Variants in GRM8 observed in about 807,000 individuals in gnomAD.
GRM8 encodes metabotropic glutamate receptor 8.
GRM8 carries 47 observed loss-of-function variants against 87.2 expected under a neutral mutation model. That is an observed-to-expected ratio of 0.54 (90% CI 0.43 to 0.69). The LOEUF (loss-of-function observed/expected upper bound fraction) is 0.69, where lower values mean the gene tolerates loss of function less well. Ranked by LOEUF, GRM8 falls within the 30% of genes least tolerant of loss-of-function variation. GRM8 has a pLI of 0.00. For missense variants in GRM8, 1,019 were observed against 1,139.2 expected, an observed-to-expected ratio of 0.89 and a Z score of 1.52; for synonymous variants, 396 against 404.5, an observed-to-expected ratio of 0.98 and a Z score of 0.25.
At chr7:127,180,202 A>G (rs1312014763) in intron 2 of GRM8, among the ~76,000 whole-genome samples, 5 of 152,214 alleles carry the variant, frequency 3.3e-5, no homozygotes, top group Middle Eastern at 3.4e-3. Context: ...ACAAAAGATC[A>G]TTCAAGGCTA....
intron 7 of GRM8, among the ~76,000 whole-genome samples, chr7:126,727,881 G>A (rs1033855237): frequency 3.3e-5 from 5 of 152,120 alleles, no homozygotes; most frequent in African/African-American, 9.7e-5. Context: ...CAGCTGGGAT[G>A]TGTATAGCAA....
intron 2 of GRM8, among the ~76,000 whole-genome samples, chr7:127,138,185 G>C (rs1828046229): frequency 6.6e-6 from 1 of 152,140 alleles, no homozygotes; most frequent in African/African-American, 2.4e-5. Context: ...CAAAGCCCTT[G>C]CTTCAATCTA....
chr7:127,205,701 C>A (rs549719796), intron 2 of GRM8, among the ~76,000 whole-genome samples: 1 of 152,246 alleles, frequency 6.6e-6, no homozygotes, highest in Admixed American at 6.5e-5. Context: ...GAGGCTCCCC[C>A]ACCTGCTAAT....
Position 127,053,115 on chromosome 7 carries a change from C to T in GRM8, c.727+53381G>A, listed in dbSNP as rs1360502649. ...ACACCATATCACAAGCTTGAGGGTT[C>T]CATGCTCCTTTTTAGGCACTTGGTG... On this transcript the variant is annotated intron_variant, in intron 3 of 10. Coordinates refer to ENST00000339582, the MANE Select transcript of GRM8 (RefSeq NM_000845.3). Among the ~76,000 whole-genome samples, 8 of 152,148 alleles carry T rather than the reference C, an allele frequency of 5.3e-5. No homozygotes were observed. In the South Asian group the frequency reaches 1.7e-3, roughly 32 times the overall value.
intron 3 of GRM8, among the ~76,000 whole-genome samples, chr7:127,021,096 G>A (rs980911137): frequency 6.6e-6 from 1 of 151,992 alleles, no homozygotes; most frequent in Non-Finnish European, 1.5e-5. Context: ...GCTGCTACAG[G>A]AGAAAGCCAC....
At chr7:127,225,095 G>C (rs1436592250) in intron 2 of GRM8, among the ~76,000 whole-genome samples, 1 of 152,186 alleles carries the variant, frequency 6.6e-6, no homozygotes, top group Non-Finnish European at 1.5e-5. Context: ...AGCAGGAAAA[G>C]GTCCAAGGAG....
intron 9 of GRM8, among the ~76,000 whole-genome samples, chr7:126,507,998 ATGAG>A (rs1372071380): frequency 6.6e-6 from 1 of 151,982 alleles, no homozygotes; most frequent in African/African-American, 2.4e-5. Context: ...ACTCAAAGTA[ATGAG>A]TAAGTACCTG....
At chr7:126,893,132 T>C (rs1285569341) in intron 6 of GRM8, among the ~76,000 whole-genome samples, 1 of 152,070 alleles carries the variant, frequency 6.6e-6, no homozygotes. Flanking sequence ...TAAAGTGCTT[T>C]CCCCTCAAAT....
At chr7:126,691,232 G>A (rs1808773156) in intron 7 of GRM8, among the ~76,000 whole-genome samples, 1 of 152,202 alleles carries the variant, frequency 6.6e-6, no homozygotes, top group Non-Finnish European at 1.5e-5. Context: ...GGTGGCAGGG[G>A]GCTGGTGTGT....
chr7:127,161,952 T>A (rs2116229252), intron 2 of GRM8, among the ~76,000 whole-genome samples: 1 of 152,258 alleles, frequency 6.6e-6, no homozygotes, highest in Middle Eastern at 3.4e-3. Context: ...TATAACTCAG[T>A]ACTTCCTCAT....
chr7:126,744,063 C>T (rs1286232973), intron 7 of GRM8, among the ~76,000 whole-genome samples: 1 of 151,542 alleles, frequency 6.6e-6, no homozygotes, highest in Non-Finnish European at 1.5e-5. Flanking sequence ...TAAGAATGGC[C>T]AAGATAAAGA....
intron 6 of GRM8, among the ~76,000 whole-genome samples, chr7:126,775,281 G>A (rs17626816): frequency 0.36 from 55,098 of 151,744 alleles, 11,520 homozygotes; most frequent in Non-Finnish European, 0.47. Flanking sequence ...CCCAGATTTA[G>A]AAGTCATTCT....
At chr7:127,246,503 T>A (rs1275081240) in intron 1 of GRM8, among the ~76,000 whole-genome samples, 1 of 152,172 alleles carries the variant, frequency 6.6e-6, no homozygotes, top group Admixed American at 6.5e-5. Flanking sequence ...CTCTCAGCAC[T>A]ATGTCTGGGC....
intron 6 of GRM8, among the ~76,000 whole-genome samples, chr7:126,846,050 T>C (rs535934203): frequency 4.6e-5 from 7 of 152,024 alleles, no homozygotes; most frequent in Admixed American, 1.3e-4. Flanking sequence ...TATAATAGTA[T>C]AAAATATATC....
chr7:126,847,570 C>T (rs550759263), intron 6 of GRM8, among the ~76,000 whole-genome samples: 40 of 152,196 alleles, frequency 2.6e-4, no homozygotes, highest in African/African-American at 8.9e-4. Context: ...AGTTGGGGAT[C>T]CCTAGACATC....
chr7:126,671,814 A>G (rs1225302281), intron 7 of GRM8, among the ~76,000 whole-genome samples: 2 of 152,236 alleles, frequency 1.3e-5, no homozygotes, highest in Non-Finnish European at 2.9e-5. Context: ...AAGCATAACT[A>G]TGGCTACCAG....
At chr7:126,678,542 A>G (rs912833982) in intron 7 of GRM8, among the ~76,000 whole-genome samples, 16 of 152,230 alleles carry the variant, frequency 1.1e-4, no homozygotes, top group African/African-American at 3.4e-4. Context: ...TAAGAGAAAT[A>G]TCTTTATCCA....
chr7:126,698,990 T>C (rs1436528600), intron 7 of GRM8, among the ~76,000 whole-genome samples: 5 of 152,204 alleles, frequency 3.3e-5, no homozygotes, highest in African/African-American at 1.2e-4. Context: ...AAACTTTCTT[T>C]GGAATGTGGT....
chr7:126,873,229 A>T (rs1253514010), intron 6 of GRM8, among the ~76,000 whole-genome samples: 1 of 152,184 alleles, frequency 6.6e-6, no homozygotes, highest in East Asian at 1.9e-4. Flanking sequence ...TGACAGGTCA[A>T]TTCAAAAACA....
Sources: gnomAD v4.1 joint callset for allele counts (sites outside exome capture counted in the v4.1 genomes callset) on GRCh38, gnomAD v4.1.1 for gene constraint, MANE v1.5 for transcripts, NCBI Gene and HGNC (gene_info 2026-07-23, HGNC 2026-07-21) for gene names.